Variants in WWC1 observed in about 807,000 individuals in gnomAD.
WWC1 encodes the protein protein KIBRA.
In WWC1, 55 loss-of-function variants were observed where a neutral mutation model predicts 138.4. The observed-to-expected ratio is 0.40, with a 90% confidence interval of 0.32 to 0.50. The LOEUF (loss-of-function observed/expected upper bound fraction) is 0.50, where lower values mean the gene tolerates loss of function less well. Among genes scored for constraint, WWC1 ranks in the 20% least tolerant of loss-of-function variants. The pLI is 0.72. For missense variants in WWC1, 1,226 were observed against 1,420.4 expected (o/e 0.86, Z 2.20); for synonymous variants, 524 against 564.9 (o/e 0.93, Z 1.03).
chr5:168,457,352 C>T (rs1194744885), intron 19 of WWC1, among the ~76,000 whole-genome samples: 1 of 152,056 alleles, frequency 6.6e-6, no homozygotes, highest in Non-Finnish European at 1.5e-5. Flanking sequence ...TAGCAGGGAA[C>T]AATTTAACCC....
intron 3 of WWC1, among the ~76,000 whole-genome samples, chr5:168,391,928 G>A (rs931019810): frequency 1.3e-5 from 2 of 151,914 alleles, no homozygotes; most frequent in Admixed American, 6.6e-5. Flanking sequence ...TCACAACACT[G>A]TTCTATAGGG....
At chr5:168,297,626 CAAAAAAAAA>C (rs70976474) in intron 1 of WWC1, among the ~76,000 whole-genome samples, 1 of 54,778 alleles carries the variant, frequency 1.8e-5, no homozygotes, top group Non-Finnish European at 3.7e-5. Flanking sequence ...AACTCCATCT[CAAAAAAAAA>C]AAAAAAAAAA....
chr5:168,383,904 GATC>G (rs1777840085), intron 2 of WWC1, among the ~76,000 whole-genome samples: 2 of 151,938 alleles, frequency 1.3e-5, no homozygotes, highest in African/African-American at 2.4e-5. Context: ...TTTTTTTTCA[GATC>G]ATTAGTGTAT....
At chr5:168,450,804 A>G (rs1350366103) in intron 17 of WWC1, among the ~76,000 whole-genome samples, 2 of 152,230 alleles carry the variant, frequency 1.3e-5, no homozygotes, top group South Asian at 4.1e-4. Context: ...CATAAAAAGT[A>G]CAAACTATAA....
intron 8 of WWC1, 136 bp downstream of exon 8, chr5:168,410,131 C>A: frequency 1.1e-6 from 1 of 880,854 alleles, no homozygotes; most frequent in South Asian, 1.6e-5. Context: ...AGTTATTATA[C>A]TTTTTATATT....
At chr5:168,353,651 G>C (rs543360015) in intron 1 of WWC1, among the ~76,000 whole-genome samples, 7 of 152,218 alleles carry the variant, frequency 4.6e-5, no homozygotes, top group Non-Finnish European at 1.0e-4. Context: ...TCCATCACTC[G>C]CTGTGTGCCG....
intron 6 of WWC1, among the ~76,000 whole-genome samples, chr5:168,408,205 G>A (rs541497304): frequency 6.6e-6 from 1 of 152,110 alleles, no homozygotes; most frequent in East Asian, 1.9e-4. Flanking sequence ...GCAAAGAGAG[G>A]TTATTCAGCT....
intron 1 of WWC1, among the ~76,000 whole-genome samples, chr5:168,339,224 C>T (rs1773765387): frequency 6.6e-6 from 1 of 152,116 alleles, no homozygotes; most frequent in Admixed American, 6.5e-5. Flanking sequence ...AATGGGATGA[C>T]ATGACAAGGA....
intron 18 of WWC1, among the ~76,000 whole-genome samples, chr5:168,455,112 G>A (rs1756186719): frequency 1.3e-5 from 2 of 152,190 alleles, no homozygotes; most frequent in African/African-American, 2.4e-5. Context: ...GGGGCTGAAT[G>A]TGCTCCCACC....
At chr5:168,375,478 G>A (rs1243225646) in intron 2 of WWC1, among the ~76,000 whole-genome samples, 1 of 152,200 alleles carries the variant, frequency 6.6e-6, no homozygotes, top group African/African-American at 2.4e-5. Flanking sequence ...ACGAGGACTG[G>A]GAGCAAAAGC....
At chr5:168,389,036 A>G (rs2152822195) in intron 3 of WWC1, among the ~76,000 whole-genome samples, 1 of 152,286 alleles carries the variant, frequency 6.6e-6, no homozygotes, top group East Asian at 1.9e-4. Context: ...TCATGGCTCT[A>G]AGAGAAGGAT....
chr5:168,451,870 C>CA (rs1755849621), intron 17 of WWC1, among the ~76,000 whole-genome samples: 1 of 148,848 alleles, frequency 6.7e-6, no homozygotes, highest in Admixed American at 6.7e-5. Context: ...CTTAAAATGG[C>CA]AAAATCACTT....
intron 1 of WWC1, among the ~76,000 whole-genome samples, chr5:168,341,428 C>G (rs2152778236): frequency 6.6e-6 from 1 of 152,226 alleles, no homozygotes; most frequent in Middle Eastern, 3.4e-3. Context: ...GCACAAGGCT[C>G]CATGGATAAT....
chr5:168,455,870 G>C (rs774013787), intron 19 of WWC1, among the ~76,000 whole-genome samples: 8 of 151,874 alleles, frequency 5.3e-5, no homozygotes, highest in Non-Finnish European at 1.0e-4. Context: ...CCACCTTCAG[G>C]GCAATTCTAG....
chr5:168,443,149 C>T (rs559939607), intron 16 of WWC1, among the ~76,000 whole-genome samples: 41 of 152,292 alleles, frequency 2.7e-4, no homozygotes, highest in African/African-American at 8.4e-4. Flanking sequence ...CTCTCTGTAA[C>T]GGTTGTTCCC....
At chr5:168,455,255 A>G (rs1756202294) in intron 18 of WWC1, 101 bp from the exon 19 acceptor site, 1 of 1,370,180 alleles carries the variant, frequency 7.3e-7, no homozygotes, top group Non-Finnish European at 9.8e-7. Context: ...CTGTGGGAAA[A>G]GGTGAGGTGA....
intron 11 of WWC1, among the ~76,000 whole-genome samples, chr5:168,424,791 A>G (rs1208177216): frequency 6.6e-6 from 1 of 152,172 alleles, no homozygotes; most frequent in Non-Finnish European, 1.5e-5. Context: ...ATTTTATCCT[A>G]ATTGCACTGG....
intron 1 of WWC1, among the ~76,000 whole-genome samples, chr5:168,311,284 C>T (rs531660503): frequency 1.8e-4 from 27 of 150,686 alleles, no homozygotes; most frequent in East Asian, 1.2e-3. Flanking sequence ...CCTTTCTGGT[C>T]GAAGGCTACA....
At chr5:168,380,075 G>A (rs2152814719) in intron 2 of WWC1, among the ~76,000 whole-genome samples, 1 of 152,296 alleles carries the variant, frequency 6.6e-6, no homozygotes, top group Non-Finnish European at 1.5e-5. Flanking sequence ...ACAAGCCACA[G>A]ATAAGGAGAC....
Sources: gnomAD v4.1 joint callset for allele counts (sites outside exome capture counted in the v4.1 genomes callset) on GRCh38, gnomAD v4.1.1 for gene constraint, MANE v1.5 for transcripts, NCBI Gene and HGNC (gene_info 2026-07-23, HGNC 2026-07-21) for gene names.